The following PDE11A variants were observed in gnomAD, a reference collection of about 807,000 sequenced individuals.
PDE11A encodes the protein dual 3',5'-cyclic-AMP and -GMP phosphodiesterase 11A.
Under a neutral mutation model 100.5 loss-of-function variants are expected in PDE11A, and 100 were observed. The observed-to-expected ratio is 1.00, with a 90% CI of 0.85 to 1.18. The LOEUF (loss-of-function observed/expected upper bound fraction) is 1.18. PDE11A is among the 50% of genes most tolerant of loss of function. The pLI, the probability that PDE11A is intolerant of heterozygous loss-of-function variation, is 0.00. For missense variants in PDE11A, 1,141 were observed against 1,152.6 expected, an observed-to-expected ratio of 0.99 and a Z score of 0.15; for synonymous variants, 381 against 420.8, an observed-to-expected ratio of 0.91 and a Z score of 1.16.
chr2:177,983,581 A>G (rs1360679455), intron 2 of PDE11A, among the ~76,000 whole-genome samples: 3 of 152,230 alleles, frequency 2.0e-5, no homozygotes, highest in African/African-American at 7.2e-5. Context: ...TACCAAACCT[A>G]AGAAGCCACT....
intron 19 of PDE11A, among the ~76,000 whole-genome samples, chr2:177,635,307 T>C (rs2080022764): frequency 6.6e-6 from 1 of 152,188 alleles, no homozygotes; most frequent in Admixed American, 6.5e-5. Context: ...GAGTTGATGC[T>C]GACCTAAAAA....
chr2:178,104,216 A>C, intron 2 of PDE11A: 4 of 1,315,124 alleles, frequency 3.0e-6, no homozygotes, highest in Non-Finnish European at 4.4e-6. Context: ...AACGCTGCAA[A>C]TTAGGAAATT....
intron 9 of PDE11A, among the ~76,000 whole-genome samples, chr2:177,783,161 G>A (rs1460221464): frequency 6.6e-6 from 1 of 151,944 alleles, no homozygotes; most frequent in African/African-American, 2.4e-5. Flanking sequence ...TTCTCATACA[G>A]AATCATTTCC....
intron 5 of PDE11A, among the ~76,000 whole-genome samples, chr2:177,856,831 G>A (rs920311621): frequency 6.6e-6 from 1 of 152,008 alleles, no homozygotes; most frequent in South Asian, 2.1e-4. Context: ...ACAAACATAA[G>A]CATAATGAGG....
At chr2:177,849,972 T>G (rs956197952) in intron 5 of PDE11A, among the ~76,000 whole-genome samples, 1 of 152,126 alleles carries the variant, frequency 6.6e-6, no homozygotes, top group Non-Finnish European at 1.5e-5. Context: ...AGGTAATTTA[T>G]AGATTCAATG....
chr2:178,014,380 A>G lies in PDE11A; in HGVS notation c.993T>C (p.Ser331=). 1 of 1,611,714 alleles carries G rather than the reference A, an allele frequency of 6.2e-7. No individual in the cohort carries two copies. Among genetic ancestry groups the G allele is most frequent in the Non-Finnish European group, 8.5e-7 (1 of 1,177,878 alleles). The stretch of plus-strand genomic sequence containing the variant: ...GGGCCACACCAATAATCTCACCATC[A>G]CTGCTTCGGATAGGCATGCACAATA... ...KSLLCMPIRS[S]DGEIIGVAQA... The change falls in exon 2 of 20, where the codon AGT becomes AGC. Residue 331 remains serine, a synonymous_variant. Coordinates refer to ENST00000286063, the MANE Select transcript of PDE11A (RefSeq NM_016953.4).
intron 1 of PDE11A, among the ~76,000 whole-genome samples, chr2:178,021,023 G>A (rs1266479876): frequency 6.8e-6 from 1 of 147,488 alleles, no homozygotes; most frequent in Non-Finnish European, 1.5e-5. Flanking sequence ...GTGCAATGGT[G>A]CAATCTCTGT....
At chr2:177,872,600 C>A (rs2084155307) in intron 5 of PDE11A, among the ~76,000 whole-genome samples, 1 of 152,158 alleles carries the variant, frequency 6.6e-6, no homozygotes, top group South Asian at 2.1e-4. Context: ...AAATAATACC[C>A]TGAAACATTG....
chr2:177,887,238 A>T (rs1312025447), intron 4 of PDE11A, among the ~76,000 whole-genome samples: 1 of 152,204 alleles, frequency 6.6e-6, no homozygotes, highest in Non-Finnish European at 1.5e-5. Context: ...GCAATCCCAA[A>T]TTCAAAAACA....
intron 2 of PDE11A, among the ~76,000 whole-genome samples, chr2:177,981,762 G>A (rs2085884971): frequency 1.3e-5 from 2 of 151,088 alleles, no homozygotes; most frequent in Admixed American, 1.3e-4. Flanking sequence ...ATATTCTGCA[G>A]GAGATACATT....
intron 2 of PDE11A, among the ~76,000 whole-genome samples, chr2:177,967,158 T>C (rs183175429): frequency 4.0e-5 from 6 of 151,320 alleles, no homozygotes; most frequent in African/African-American, 1.5e-4. Flanking sequence ...TTTCTGAGGG[T>C]GTTTTGTGTT....
intron 2 of PDE11A, among the ~76,000 whole-genome samples, chr2:177,947,536 GATGT>G (rs1215940168): frequency 3.9e-5 from 6 of 152,076 alleles, no homozygotes; most frequent in Non-Finnish European, 7.4e-5. Context: ...GGCGGTGCAA[GATGT>G]GCTTTGTTAA....
intron 2 of PDE11A, among the ~76,000 whole-genome samples, chr2:177,971,173 G>A (rs957460326): frequency 6.6e-6 from 1 of 152,088 alleles, no homozygotes; most frequent in Non-Finnish European, 1.5e-5. Context: ...CATTAGCAAG[G>A]CCTTAGGCAA....
At chr2:177,881,349 A>ATCTATCTATCTTATCTATCATCTATCTG (rs2084336972) in intron 4 of PDE11A, among the ~76,000 whole-genome samples, 8 of 145,978 alleles carry the variant, frequency 5.5e-5, no homozygotes, top group African/African-American at 1.8e-4. Context: ...CTGTCTATCT[A>ATCTATCTATCTTATCTATCATCTATCTG]TCTATCTATC....
At chr2:178,096,581 T>G (rs2087494761) in intron 2 of PDE11A, among the ~76,000 whole-genome samples, 1 of 152,156 alleles carries the variant, frequency 6.6e-6, no homozygotes, top group Non-Finnish European at 1.5e-5. Flanking sequence ...CCAGATACCC[T>G]AAATCATCTC....
At chr2:178,048,272 G>T (rs893965683) in intron 1 of PDE11A, among the ~76,000 whole-genome samples, 1 of 152,158 alleles carries the variant, frequency 6.6e-6, no homozygotes, top group African/African-American at 2.4e-5. Flanking sequence ...TAACACCTAG[G>T]GTTCTGGCTT....
At chr2:177,891,150 C>CT (rs1553486463) in intron 4 of PDE11A, among the ~76,000 whole-genome samples, 1 of 152,070 alleles carries the variant, frequency 6.6e-6, no homozygotes, top group Non-Finnish European at 1.5e-5. Flanking sequence ...AAGGTTACCC[C>CT]TTTTTCAAGT....
chr2:177,666,076 G>C (rs746697371), intron 18 of PDE11A, among the ~76,000 whole-genome samples: 1 of 151,956 alleles, frequency 6.6e-6, no homozygotes, highest in African/African-American at 2.4e-5. Context: ...AGTCATTCTC[G>C]CTTTTTTTCC....
At chr2:177,855,717 C>G (rs2083820617) in intron 5 of PDE11A, among the ~76,000 whole-genome samples, 1 of 151,920 alleles carries the variant, frequency 6.6e-6, no homozygotes, top group African/African-American at 2.4e-5. Flanking sequence ...CAGCCTTTAC[C>G]CCCAGGGATA....
Sources: gnomAD v4.1 joint callset for allele counts (sites outside exome capture counted in the v4.1 genomes callset) on GRCh38, gnomAD v4.1.1 for gene constraint, MANE v1.5 for transcripts, NCBI Gene and HGNC (gene_info 2026-07-23, HGNC 2026-07-21) for gene names.